The following USH2A variants were observed in gnomAD, a reference collection of about 807,000 sequenced individuals.
The protein encoded by USH2A is Usher syndrome 2A (autosomal recessive, mild).
USH2A carries 443 observed loss-of-function variants against 538.9 expected under a neutral mutation model. That is an observed-to-expected ratio of 0.82 (90% CI 0.76 to 0.89). USH2A has a LOEUF of 0.89. USH2A is among the 40% of genes least tolerant of loss of function. The pLI is 0.00. For synonymous variants in USH2A, 2,413 were observed against 2,273.5 expected (o/e 1.06, Z -1.75); for missense variants, 6,633 against 6,324.8 (o/e 1.05, Z -1.65).
intron 10 of USH2A, among the ~76,000 whole-genome samples, chr1:216,291,914 T>C (rs374240364): frequency 2.0e-5 from 3 of 152,024 alleles, no homozygotes; most frequent in East Asian, 1.9e-4. Context: ...TGTGAACTCT[T>C]TAAAAAACAA....
intron 21 of USH2A, among the ~76,000 whole-genome samples, chr1:216,124,454 A>T (rs986283211): frequency 3.9e-5 from 6 of 152,106 alleles, no homozygotes; most frequent in Non-Finnish European, 7.4e-5. Flanking sequence ...AGAGAAATAC[A>T]ATAGGCCAAA....
At chr1:216,353,285 T>C (rs2038320969) in intron 4 of USH2A, among the ~76,000 whole-genome samples, 1 of 151,964 alleles carries the variant, frequency 6.6e-6, no homozygotes, top group Non-Finnish European at 1.5e-5. Flanking sequence ...ATTATGTATC[T>C]GACAGAAAAA....
intron 21 of USH2A, among the ~76,000 whole-genome samples, chr1:216,106,291 T>C (rs904335227): frequency 8.1e-5 from 11 of 135,880 alleles, no homozygotes; most frequent in African/African-American, 2.2e-4. Context: ...GTAGAATATT[T>C]GTAGTGTACA....
At chr1:216,008,546 G>A (rs990004090) in intron 32 of USH2A, among the ~76,000 whole-genome samples, 3 of 152,262 alleles carry the variant, frequency 2.0e-5, no homozygotes, top group African/African-American at 4.8e-5. Flanking sequence ...TCACATGGAC[G>A]CACATGAAAT....
chr1:216,379,830 G>T (rs537273135), intron 3 of USH2A, among the ~76,000 whole-genome samples: 2 of 152,272 alleles, frequency 1.3e-5, no homozygotes, highest in African/African-American at 4.8e-5. Flanking sequence ...TCCCCAGAGG[G>T]CTACACCACT....
chr1:216,389,897 C>A (rs969250641), intron 3 of USH2A, among the ~76,000 whole-genome samples: 1 of 151,966 alleles, frequency 6.6e-6, no homozygotes, highest in Non-Finnish European at 1.5e-5. Flanking sequence ...TACTAATGCT[C>A]AGGTATCAGG....
chr1:216,061,590 G>T (rs2031184188), intron 30 of USH2A, among the ~76,000 whole-genome samples: 2 of 152,150 alleles, frequency 1.3e-5, no homozygotes, highest in Non-Finnish European at 2.9e-5. Context: ...AAGTACAAAT[G>T]TCCAGGCCAC....
chr1:216,007,940 A>G (rs1668446277), intron 32 of USH2A, among the ~76,000 whole-genome samples: 1 of 152,250 alleles, frequency 6.6e-6, no homozygotes, highest in African/African-American at 2.4e-5. Flanking sequence ...ACATACATAT[A>G]TGTCTTGAAG....
rs150266899 is a variant in USH2A, at chr1:215,817,107, C to T, written c.9460G>A (p.Ala3154Thr). Reference protein sequence around the residue: ...DLLWKTWYPCAKTQKLVQDQS... With the variant: ...DLLWKTWYPCTKTQKLVQDQS... ...TCCTGCACTAACTTTTGAGTTTTAG[C>T]GCATGGATACCATGTTTTCCATAGG... Residue 3154 changes from alanine (A) to threonine (T), a missense_variant, in exon 48 of 72, where the codon GCT becomes ACT. Coordinates refer to ENST00000307340, the MANE Select transcript of USH2A (RefSeq NM_206933.4). 28 of 1,612,670 alleles carry T rather than the reference C, an allele frequency of 1.7e-5. No homozygotes were observed. Among genetic ancestry groups the T allele is most frequent in the African/African-American group, 9.4e-5 (7 of 74,834 alleles).
intron 3 of USH2A, among the ~76,000 whole-genome samples, chr1:216,398,673 GT>G (rs528287491): frequency 6.6e-6 from 1 of 152,078 alleles, no homozygotes; most frequent in Non-Finnish European, 1.5e-5. Flanking sequence ...GTAAGCAGTA[GT>G]TTTTGATTCC....
intron 49 of USH2A, among the ~76,000 whole-genome samples, chr1:215,800,271 T>C (rs1252441579): frequency 2.0e-5 from 3 of 152,056 alleles, no homozygotes; most frequent in Admixed American, 2.0e-4. Context: ...AACCCTGACT[T>C]CCTTCTCTCT....
intron 26 of USH2A, chr1:216,079,115 A>C (rs1223277467): frequency 6.6e-6 from 1 of 152,186 alleles, no homozygotes; most frequent in Non-Finnish European, 1.5e-5. Context: ...TCTTGAGATC[A>C]ATTGTGTCGA....
chr1:216,233,061 T>G (rs2035733145), intron 13 of USH2A, among the ~76,000 whole-genome samples: 1 of 152,180 alleles, frequency 6.6e-6, no homozygotes, highest in African/African-American at 2.4e-5. Flanking sequence ...GCAGTCTTTT[T>G]CCAAAGTGCA....
intron 33 of USH2A, among the ~76,000 whole-genome samples, chr1:215,999,993 A>G (rs535219390): frequency 6.6e-6 from 1 of 152,292 alleles, no homozygotes; most frequent in South Asian, 2.1e-4. Flanking sequence ...AGAAATCATC[A>G]GAACATGCCT....
At chr1:216,235,565 C>T (rs938194850) in intron 13 of USH2A, among the ~76,000 whole-genome samples, 5 of 152,144 alleles carry the variant, frequency 3.3e-5, no homozygotes, top group South Asian at 2.1e-4. Context: ...TGTGGCTTTG[C>T]CTAGGAGAAG....
In USH2A at chr1:216,057,062, C is replaced by T. The variant is rs139174070; in HGVS notation, c.6050-8415G>A. ...TATATATTTTCATCATTTTTAACTA[C>T]GGCTCAACATGTTACCAAAAAGAAA... is the stretch of plus-strand genomic sequence containing the variant. On this transcript the variant is annotated intron_variant, in intron 30 of 71. Transcript: ENST00000307340. Among the ~76,000 whole-genome samples the T allele has an allele frequency of 6.2e-3, 951 of 152,238 alleles. 7 individuals are homozygous for T. The highest frequency in any genetic ancestry group is 0.011 in the Non-Finnish European group (740 of 68,004).
chr1:216,376,018 C>T (rs2038812557), intron 3 of USH2A, among the ~76,000 whole-genome samples: 1 of 152,008 alleles, frequency 6.6e-6, no homozygotes, highest in Admixed American at 6.6e-5. Context: ...ATGGCACCCC[C>T]TGAAATTATA....
intron 38 of USH2A, among the ~76,000 whole-genome samples, chr1:215,918,924 G>A (rs1225110744): frequency 6.6e-6 from 1 of 151,970 alleles, no homozygotes; most frequent in Non-Finnish European, 1.5e-5. Context: ...TAATATCAAG[G>A]AATTTTGTCA....
At position 215,671,239 on chromosome 1, in the gene USH2A, C is replaced by T. The variant is rs1253596843; in HGVS notation, c.13866G>A (p.Trp4622Ter). 1 of 1,614,080 alleles carries T rather than the reference C, an allele frequency of 6.2e-7. No homozygotes were observed. The highest frequency in any genetic ancestry group is 1.7e-5 in the Admixed American group (1 of 60,008). Residue 4622 changes from tryptophan (W) to a stop codon, truncating the protein, a stop_gained, in exon 64 of 72, where the codon TGG (tryptophan) becomes TGA (stop). Transcript: ENST00000307340. LOFTEE classifies it high-confidence loss of function. ...CAATCTCAGGGGTCTGTATGAATGT[C>T]CAGTCACTTGATGCACATCCCAGGG... The part of the protein sequence containing the change: ...CTTLGCASSD[W>*]TFIQTPEIAP...
Sources: allele counts gnomAD v4.1 joint callset (sites outside exome capture counted in the v4.1 genomes callset), GRCh38; gene constraint gnomAD v4.1.1; transcripts MANE v1.5; gene names NCBI Gene and HGNC (gene_info 2026-07-23, HGNC 2026-07-21).